ABAT: variants seen among roughly 807,000 people sequenced by gnomAD.
ABAT encodes the protein 4-aminobutyrate aminotransferase, also known as 4-aminobutyrate aminotransferase, mitochondrial.
Under a neutral mutation model 64.6 loss-of-function variants are expected in ABAT, and 45 were observed. That is an observed-to-expected ratio of 0.70 (90% CI 0.55 to 0.89). The LOEUF (loss-of-function observed/expected upper bound fraction) is 0.89, where lower values mean the gene tolerates loss of function less well. Among genes scored for constraint, ABAT ranks in the 40% least tolerant of loss-of-function variants. The probability of loss-of-function intolerance (pLI) is 0.00; values close to 1 mark genes in which losing one functional copy is unlikely to be tolerated. For missense variants in ABAT, 633 were observed against 658.4 expected (o/e 0.96, Z 0.42); for synonymous variants, 297 against 250.5 (o/e 1.19, Z -1.75).
intron 1 of ABAT, among the ~76,000 whole-genome samples, chr16:8,717,003 T>C (rs915555627): frequency 7.9e-5 from 12 of 152,180 alleles, no homozygotes; most frequent in South Asian, 2.1e-4. Flanking sequence ...AATAACTATA[T>C]TGATGGCCGG....
intron 1 of ABAT, among the ~76,000 whole-genome samples, chr16:8,725,762 A>G (rs2058532750): frequency 6.6e-6 from 1 of 152,196 alleles, no homozygotes. Flanking sequence ...TAGGGGTGGA[A>G]TTGCTGGGTC....
intron 2 of ABAT, among the ~76,000 whole-genome samples, chr16:8,737,989 G>GA (rs397934923): frequency 0.59 from 9,700 of 16,354 alleles, 3,587 homozygotes; most frequent in Middle Eastern, 0.65. Flanking sequence ...AGGAAGGAAG[G>GA]AGGAAAGAAA....
intron 6 of ABAT, among the ~76,000 whole-genome samples, chr16:8,761,681 C>T (rs887167110): frequency 3.9e-5 from 6 of 152,222 alleles, no homozygotes; most frequent in African/African-American, 1.4e-4. Flanking sequence ...TCCAGCAGGA[C>T]ATGCCCAGGG....
At chr16:8,733,152 G>A (rs556939263) in intron 1 of ABAT, among the ~76,000 whole-genome samples, 3 of 149,732 alleles carry the variant, frequency 2.0e-5, no homozygotes, top group Admixed American at 6.6e-5. Context: ...CCTCCCGGAC[G>A]GGGTGGCTGC....
At chr16:8,746,692 G>A (rs12922831) in intron 3 of ABAT, among the ~76,000 whole-genome samples, 75,942 of 150,514 alleles carry the variant, frequency 0.5, 21,300 homozygotes, top group Non-Finnish European at 0.61. Flanking sequence ...AACCTGGGCA[G>A]CAGAGCAAGA....
chr16:8,698,275 C>T (rs1218604389), intron 1 of ABAT, among the ~76,000 whole-genome samples: 4 of 151,980 alleles, frequency 2.6e-5, no homozygotes, highest in Non-Finnish European at 4.4e-5. Flanking sequence ...GGAGAGATCA[C>T]ATTTTGTTTA....
intron 2 of ABAT, among the ~76,000 whole-genome samples, chr16:8,738,097 G>C (rs1456451986): frequency 6.6e-6 from 1 of 151,584 alleles, no homozygotes; most frequent in Non-Finnish European, 1.5e-5. Context: ...GAGGCAGGAG[G>C]ATCGCTTGAG....
At chr16:8,752,205 T>C (rs2059508100) in intron 5 of ABAT, among the ~76,000 whole-genome samples, 1 of 152,228 alleles carries the variant, frequency 6.6e-6, no homozygotes, top group Non-Finnish European at 1.5e-5. Context: ...GGATGACTCA[T>C]TCTTTGGGGG....
At chr16:8,708,159 G>A (rs1465384029) in intron 1 of ABAT, among the ~76,000 whole-genome samples, 3 of 84,214 alleles carry the variant, frequency 3.6e-5, no homozygotes, top group Admixed American at 1.4e-4. Flanking sequence ...AGCCCATCTA[G>A]ACAAAAGGAG....
At chr16:8,748,385 T>C (rs372380713) in intron 4 of ABAT, among the ~76,000 whole-genome samples, 1 of 152,260 alleles carries the variant, frequency 6.6e-6, no homozygotes, top group Admixed American at 6.5e-5. Flanking sequence ...CATTCCATTA[T>C]GGTTGGAAAC....
rs1041129633 is a variant in ABAT, at chr16:8,782,962, G to T, written c.*1532G>T. On this transcript the variant is annotated 3_prime_UTR_variant, in exon 16 of 16. Transcript: ENST00000268251. ...TTTTTTTTTTAGCTTCCACTCTTCC[G>T]CAGACTTGGTCATCGACCTATTTTT... is the stretch of plus-strand genomic sequence containing the variant. 1 of 151,782 alleles carries T rather than the reference G, an allele frequency of 6.6e-6. No homozygotes were observed. The highest frequency in any genetic ancestry group is 2.1e-4 in the South Asian group (1 of 4,806). 9.4% of individuals were successfully genotyped at this position (151,782 alleles called of 1,614,324 possible). A position where few individuals can be genotyped will look rare whatever the true frequency, so the allele number is the denominator to read the frequency against.
intron 2 of ABAT, among the ~76,000 whole-genome samples, chr16:8,740,987 C>T (rs887569252): frequency 3.9e-5 from 6 of 152,162 alleles, no homozygotes; most frequent in Admixed American, 1.3e-4. Flanking sequence ...TTTGGGAACA[C>T]GACATTCGTT....
chr16:8,735,839 G>C (rs757766788), intron 2 of ABAT, 30 bp downstream of exon 2: 4 of 1,565,460 alleles, frequency 2.6e-6, no homozygotes, highest in African/African-American at 2.7e-5. Context: ...ATAAGAACTG[G>C]TACTAATGGA....
chr16:8,703,509 A>C (rs1432886482), intron 1 of ABAT, among the ~76,000 whole-genome samples: 1 of 152,206 alleles, frequency 6.6e-6, no homozygotes, highest in African/African-American at 2.4e-5. Context: ...GATAATTTCA[A>C]GCAAAAGTCT....
chr16:8,757,037 G>C lies in ABAT; in HGVS notation c.317-720G>C, dbSNP rs1055827832. On this transcript the variant is annotated intron_variant, in intron 5 of 15. Transcript: ENST00000268251. Reference sequence around the variant, plus strand: ...TCGCTCAGTCTCTGAGCAAACATTTGTCGAGATTTGACTCAGCCCATGGGC... The same window carrying C: ...TCGCTCAGTCTCTGAGCAAACATTTCTCGAGATTTGACTCAGCCCATGGGC... 2.0e-5 allele frequency among the ~76,000 whole-genome samples: 3 copies of C among 152,132 alleles called. No individual in the cohort carries two copies. In the South Asian group the frequency reaches 6.2e-4, roughly 32 times the overall value.
intron 1 of ABAT, among the ~76,000 whole-genome samples, chr16:8,692,580 C>G (rs2057608487): frequency 6.6e-6 from 1 of 152,122 alleles, no homozygotes; most frequent in Non-Finnish European, 1.5e-5. Context: ...GGGCCTGAAG[C>G]TCTTAGCACT....
At chr16:8,685,482 C>T (rs1424440365) in intron 1 of ABAT, among the ~76,000 whole-genome samples, 2 of 151,522 alleles carry the variant, frequency 1.3e-5, no homozygotes. Flanking sequence ...CCAACTTGGG[C>T]AACACAGCGA....
chr16:8,764,594 C>T lies in ABAT; in HGVS notation c.448-144C>T, dbSNP rs1596464620. 2 of 808,126 alleles carry T rather than the reference C, an allele frequency of 2.5e-6. No individual in the cohort carries two copies. Among genetic ancestry groups the T allele is most frequent in the Non-Finnish European group, 4.1e-6 (2 of 482,024 alleles). 50.1% of individuals were successfully genotyped at this position (808,126 alleles called of 1,614,324 possible). On this transcript the variant is annotated intron_variant, in intron 7 of 15. Coordinates refer to ENST00000268251, the MANE Select transcript of ABAT (RefSeq NM_020686.6). The surrounding 1 kb of genome is among the most constrained non-coding windows in gnomAD (Gnocchi z 4.2). The stretch of plus-strand genomic sequence containing the variant: ...CCACCCCTGGAAAAGCCTGAGCCCA[C>T]CCTCCCAGTCCGACACCTTCCAGGA...
At position 8,781,277 on chromosome 16, in the gene ABAT, C is replaced by G; in HGVS notation, c.1382-32C>G. 6.2e-7 allele frequency: 1 copy of G among 1,613,656 alleles called. No homozygotes were observed. The highest frequency in any genetic ancestry group is 8.5e-7 in the Non-Finnish European group (1 of 1,179,904). On this transcript the variant is annotated intron_variant, in intron 15 of 15. Coordinates refer to ENST00000268251, the MANE Select transcript of ABAT (RefSeq NM_020686.6). This position sits in a 1 kb window ranked among gnomAD's most constrained non-coding sequence, Gnocchi z 4.5. ...CTCCCAGCATGTGACTTTGAGAAACCACGCTCCTCACCTACCTCCTGCCTC... is the reference window on the plus strand; with the variant it reads ...CTCCCAGCATGTGACTTTGAGAAACGACGCTCCTCACCTACCTCCTGCCTC...
Sources: gnomAD v4.1 joint callset for allele counts (sites outside exome capture counted in the v4.1 genomes callset) on GRCh38, gnomAD v4.1.1 for gene constraint, Gnocchi (gnomAD v3.1) non-coding constraint, MANE v1.5 for transcripts, NCBI Gene and HGNC (gene_info 2026-07-23, HGNC 2026-07-21) for gene names.